Variants in FKBP14 observed in about 807,000 individuals in gnomAD.
FKBP14 encodes the protein peptidyl-prolyl cis-trans isomerase FKBP14.
FKBP14 carries 20 observed loss-of-function variants against 21.6 expected under a neutral mutation model. The observed-to-expected ratio is 0.92, with a 90% CI of 0.65 to 1.34. FKBP14 has a LOEUF of 1.34. Among genes scored for constraint, FKBP14 ranks in the 40% most tolerant of loss-of-function variants. The pLI is 0.00. For missense variants in FKBP14, 253 were observed against 249.0 expected (o/e 1.02, Z -0.11); for synonymous variants, 79 against 86.7 (o/e 0.91, Z 0.49).
intron 2 of FKBP14, among the ~76,000 whole-genome samples, chr7:30,021,555 G>A (rs570079699): frequency 1.3e-5 from 2 of 151,248 alleles, no homozygotes; most frequent in East Asian, 3.9e-4. Flanking sequence ...GACATCTTCA[G>A]ACCTCTTTTT....
chr7:30,007,918 A>G (rs1789644527), downstream of FKBP14, among the ~76,000 whole-genome samples: 1 of 152,130 alleles, frequency 6.6e-6, no homozygotes, highest in Admixed American at 6.5e-5. Context: ...GCACGCTGGC[A>G]TGCACCTTTA....
Position 30,013,344 on chromosome 7 carries a change from G to A in FKBP14, c.*1391C>T, listed in dbSNP as rs963262050. 1.3e-5 allele frequency: 2 copies of A among 151,794 alleles called. No homozygotes were observed. The highest frequency in any genetic ancestry group is 1.3e-4 in the Admixed American group (2 of 15,234). The allele number at this position is 151,794 out of a possible 1,614,324, so 9.4% of individuals were successfully genotyped here. On this transcript the variant is annotated 3_prime_UTR_variant, in exon 4 of 4. Coordinates refer to ENST00000222803, the MANE Select transcript of FKBP14 (RefSeq NM_017946.4). ...GGCTCACTGCAACCTCCGCCTCCCG[G>A]GTTCAAGCAAATCTCCTGTCTCAGC...
At chr7:30,015,421 A>T (rs1314657769) in intron 3 of FKBP14, among the ~76,000 whole-genome samples, 1 of 150,796 alleles carries the variant, frequency 6.6e-6, no homozygotes, top group East Asian at 1.9e-4. Flanking sequence ...CTGTCAAAAA[A>T]ATAAAAAATT....
chr7:30,014,885 T>C lies in FKBP14; in HGVS notation c.486A>G (p.Ala162=). 1 of 1,580,976 alleles carries C rather than the reference T, an allele frequency of 6.3e-7. No individual in the cohort carries two copies. Among genetic ancestry groups the C allele is most frequent in the Non-Finnish European group, 8.6e-7 (1 of 1,168,550 alleles). Reference sequence around the variant, plus strand: ...GTTTTTCAAACTCCTTCTTTAAATATGCTTTAACCTACAAAATAACAGATC... The same window carrying C: ...GTTTTTCAAACTCCTTCTTTAAATACGCTTTAACCTACAAAATAACAGATC... ...DWKLSKDEVK[A]YLKKEFEKHG... Residue 162 remains alanine (A), a synonymous_variant, in exon 4 of 4, where the codon GCA becomes GCG. Coordinates refer to ENST00000222803, the MANE Select transcript of FKBP14 (RefSeq NM_017946.4).
chr7:30,022,080 C>T (rs7801953), intron 2 of FKBP14, among the ~76,000 whole-genome samples: 88 of 152,156 alleles, frequency 5.8e-4, no homozygotes, highest in African/African-American at 1.1e-3. Context: ...AATTTAAAAA[C>T]GGGAATGAAA....
chr7:30,018,888 G>A, intron 3 of FKBP14, 108 bp downstream of exon 3: 1 of 1,120,384 alleles, frequency 8.9e-7, no homozygotes, highest in Non-Finnish European at 1.3e-6. Context: ...AAGTAGATTT[G>A]AAATATACAC....
In FKBP14 at chr7:30,014,901, A is replaced by G. The variant is rs1351365105; in HGVS notation, c.478-8T>C. The G allele has an allele frequency of 1.3e-6, 2 of 1,563,598 alleles. No individual in the cohort carries two copies. The highest frequency in any genetic ancestry group is 1.7e-6 in the Non-Finnish European group (2 of 1,159,160). On this transcript the variant is annotated splice_polypyrimidine_tract_variant and splice_region_variant and intron_variant, in intron 3 of 3. Transcript: ENST00000222803. The stretch of plus-strand genomic sequence containing the variant: ...CTTTAAATATGCTTTAACCTACAAA[A>G]TAACAGATCCCATTAATAACTTGGA...
At chr7:30,010,384 A>G (rs571845811), downstream of FKBP14, among the ~76,000 whole-genome samples, 1 of 152,230 alleles carries the variant, frequency 6.6e-6, no homozygotes, top group East Asian at 1.9e-4. Context: ...GCATATTTCA[A>G]AAGAATTTAA....
At chr7:30,015,227 G>A (rs376049218) in intron 3 of FKBP14, among the ~76,000 whole-genome samples, 6 of 151,722 alleles carry the variant, frequency 4.0e-5, no homozygotes, top group East Asian at 1.9e-4. Flanking sequence ...CAGCCTGGCC[G>A]ACATAATGAA....
chr7:30,014,697 T>C lies in FKBP14; in HGVS notation c.*38A>G. 7.6e-7 allele frequency: 1 copy of C among 1,317,584 alleles called. No homozygotes were observed. The highest frequency in any genetic ancestry group is 1.0e-6 in the Non-Finnish European group (1 of 1,004,416). 81.6% of individuals were successfully genotyped at this position (1,317,584 alleles called of 1,614,324 possible). A position where few individuals can be genotyped will look rare whatever the true frequency, so the allele number is the denominator to read the frequency against. On this transcript the variant is annotated 3_prime_UTR_variant, in exon 4 of 4. Coordinates refer to ENST00000222803, the MANE Select transcript of FKBP14 (RefSeq NM_017946.4). ...TTCTTTAAAGATGACTGCCCTCTCTTGAAAGATGAGTGCTATATTAAAAGG... is the reference window on the plus strand; with the variant it reads ...TTCTTTAAAGATGACTGCCCTCTCTCGAAAGATGAGTGCTATATTAAAAGG...
At chr7:30,008,846 G>A (rs891858406), downstream of FKBP14, among the ~76,000 whole-genome samples, 1 of 151,908 alleles carries the variant, frequency 6.6e-6, no homozygotes, top group African/African-American at 2.4e-5. Context: ...CGTGGTGGCA[G>A]GCGCCTGTAG....
intron 2 of FKBP14, 34 bp from the exon 3 acceptor site, chr7:30,019,157 A>G (rs1044873882): frequency 3.9e-6 from 6 of 1,550,160 alleles, no homozygotes; most frequent in African/African-American, 1.4e-5. Context: ...AAGTTTTAAA[A>G]GAGCCAAAAG....
At chr7:30,015,461 GCT>G (rs890917591) in intron 3 of FKBP14, among the ~76,000 whole-genome samples, 1 of 148,114 alleles carries the variant, frequency 6.8e-6, no homozygotes, top group Admixed American at 6.7e-5. Flanking sequence ...TATATATATA[GCT>G]CTCTCTATAT....
chr7:30,009,727 C>T (rs1016779174), downstream of FKBP14, among the ~76,000 whole-genome samples: 4 of 151,584 alleles, frequency 2.6e-5, no homozygotes, highest in East Asian at 1.9e-4. Context: ...TGGTCCCTCA[C>T]GCCTGTAATC....
downstream of FKBP14, among the ~76,000 whole-genome samples, chr7:30,006,097 C>T (rs1022941337): frequency 1.4e-5 from 2 of 145,584 alleles, no homozygotes; most frequent in African/African-American, 2.5e-5. Flanking sequence ...CATATATATA[C>T]ATATATATTT....
rs1789698849 is a variant in FKBP14, at chr7:30,010,643, T to A, written c.*4092A>T. 1 of 152,212 alleles carries A rather than the reference T, an allele frequency of 6.6e-6. No homozygotes were observed. Among genetic ancestry groups the A allele is most frequent in the South Asian group, 2.1e-4 (1 of 4,836 alleles). 9.4% of individuals were successfully genotyped at this position (152,212 alleles called of 1,614,324 possible). A position where few individuals can be genotyped will look rare whatever the true frequency, so the allele number is the denominator to read the frequency against. ...AATATCACAATATAGTCATGTAAATTTAAATATGGCACACTGAGCAGTATT... is the reference window on the plus strand; with the variant it reads ...AATATCACAATATAGTCATGTAAATATAAATATGGCACACTGAGCAGTATT... On this transcript the variant is annotated 3_prime_UTR_variant, in exon 4 of 4. Coordinates refer to ENST00000222803, the MANE Select transcript of FKBP14 (RefSeq NM_017946.4).
downstream of FKBP14, among the ~76,000 whole-genome samples, chr7:30,007,352 A>G (rs931608470): frequency 6.6e-6 from 1 of 151,876 alleles, no homozygotes; most frequent in Admixed American, 6.6e-5. Context: ...TGGGACTACA[A>G]GCATGCACCA....
intron 2 of FKBP14, 154 bp downstream of exon 2, chr7:30,022,511 T>G (rs1055710039): frequency 1.5e-6 from 1 of 670,148 alleles, no homozygotes; most frequent in South Asian, 2.8e-5. Flanking sequence ...GCCATTTCAA[T>G]TGATACTCAA....
At chr7:30,010,003 A>G (rs781082045), downstream of FKBP14, among the ~76,000 whole-genome samples, 2 of 152,144 alleles carry the variant, frequency 1.3e-5, no homozygotes, top group African/African-American at 2.4e-5. Context: ...TGTCTCAACA[A>G]CAACAAAAGA....
Sources: allele counts gnomAD v4.1 joint callset (sites outside exome capture counted in the v4.1 genomes callset), GRCh38; gene constraint gnomAD v4.1.1; transcripts MANE v1.5; gene names NCBI Gene and HGNC (gene_info 2026-07-23, HGNC 2026-07-21).